The following SEMA3A variants were observed in gnomAD, a reference collection of about 807,000 sequenced individuals.
SEMA3A encodes the protein semaphorin 3A.
A neutral mutation model predicts 97.9 loss-of-function variants in SEMA3A; 29 were observed. That is an observed-to-expected ratio of 0.30 (90% confidence interval 0.22 to 0.40). SEMA3A has a LOEUF of 0.40. SEMA3A is among the 10% of genes least tolerant of loss of function. The pLI is 1.00. For missense variants in SEMA3A, 763 were observed against 951.3 expected, an observed-to-expected ratio of 0.80 and a Z score of 2.60; for synonymous variants, 321 against 323.7, an observed-to-expected ratio of 0.99 and a Z score of 0.09.
intron 1 of SEMA3A, among the ~76,000 whole-genome samples, chr7:84,444,564 CTT>C (rs201008229): frequency 3.6e-5 from 5 of 138,748 alleles, no homozygotes; most frequent in Non-Finnish European, 4.7e-5. Flanking sequence ...TTCTTTTTTT[CTT>C]TTTTTTTTTT....
chr7:84,060,699 G>T, intron 4 of SEMA3A, 141 bp from the exon 5 acceptor site: 1 of 518,456 alleles, frequency 1.9e-6, no homozygotes, highest in South Asian at 4.2e-5. Context: ...TTTTTGAGAT[G>T]GCAAAATAAA....
chr7:84,331,361 CTT>C lies in SEMA3A; in HGVS notation c.-168-24071_-168-24070del, dbSNP rs1332068320. 2.0e-5 allele frequency among the ~76,000 whole-genome samples: 3 copies of C among 152,240 alleles called. No individual in the cohort carries two copies. In the East Asian group the frequency reaches 5.8e-4, roughly 29 times the overall value. ...TTAAACAAAGTCTGTTGAGTTTCTGCTTTTAATCCCAACCCATAATTTTATAA... is the reference window on the plus strand; with the variant it reads ...TTAAACAAAGTCTGTTGAGTTTCTGCTTAATCCCAACCCATAATTTTATAA... On this transcript the variant is annotated intron_variant, in intron 2 of 3. Coordinates refer to the SEMA3A transcript ENST00000424555.
chr7:84,305,654 T>C (rs1008377788), intron 3 of SEMA3A, among the ~76,000 whole-genome samples: 1 of 152,046 alleles, frequency 6.6e-6, no homozygotes, highest in South Asian at 2.1e-4. Flanking sequence ...CAGCTCTATG[T>C]ATCACTTTGG....
At chr7:84,323,005 A>G (rs1254514593) in intron 2 of SEMA3A, among the ~76,000 whole-genome samples, 2 of 152,188 alleles carry the variant, frequency 1.3e-5, no homozygotes, top group Non-Finnish European at 2.9e-5. Flanking sequence ...GCAAACAACC[A>G]CAACTGTGGC....
At chr7:84,254,647 T>A (rs73709793) in intron 3 of SEMA3A, among the ~76,000 whole-genome samples, 2,616 of 152,258 alleles carry the variant, frequency 0.017, 77 homozygotes, top group African/African-American at 0.06. Flanking sequence ...TACTACAGTA[T>A]AATGATTATA....
chr7:84,392,462 T>A (rs776732060), intron 1 of SEMA3A, among the ~76,000 whole-genome samples: 5 of 152,180 alleles, frequency 3.3e-5, no homozygotes, highest in Non-Finnish European at 7.3e-5. Context: ...CTTTATCTCT[T>A]CACCTAGTGA....
chr7:84,398,499 T>C (rs1803801870), intron 1 of SEMA3A, among the ~76,000 whole-genome samples: 1 of 152,044 alleles, frequency 6.6e-6, no homozygotes, highest in Non-Finnish European at 1.5e-5. Context: ...ACTTAAGGTC[T>C]AGTAATCCTA....
chr7:84,214,972 G>A (rs1011113466), intron 3 of SEMA3A, among the ~76,000 whole-genome samples: 8 of 151,196 alleles, frequency 5.3e-5, no homozygotes, highest in African/African-American at 1.9e-4. Context: ...AAAGTGCTGG[G>A]ATTATAGGCG....
intron 3 of SEMA3A, among the ~76,000 whole-genome samples, chr7:84,241,094 G>C (rs909514679): frequency 1.3e-5 from 2 of 152,184 alleles, no homozygotes; most frequent in African/African-American, 4.8e-5. Flanking sequence ...ATAGTAGAAT[G>C]ATTTATAATC....
chr7:84,210,088 T>G (rs1472532656), intron 3 of SEMA3A, among the ~76,000 whole-genome samples: 1 of 152,226 alleles, frequency 6.6e-6, no homozygotes, highest in Non-Finnish European at 1.5e-5. Flanking sequence ...TGATAATAAT[T>G]TTATCCAACT....
chr7:84,453,114 GA>G (rs141429423), intron 1 of SEMA3A, among the ~76,000 whole-genome samples: 2 of 151,148 alleles, frequency 1.3e-5, no homozygotes, highest in Non-Finnish European at 1.5e-5. Context: ...GAATCTGGAG[GA>G]AAAAAAATAG....
chr7:84,423,637 T>C (rs1804662703), intron 1 of SEMA3A, among the ~76,000 whole-genome samples: 1 of 152,092 alleles, frequency 6.6e-6, no homozygotes, highest in South Asian at 2.1e-4. Flanking sequence ...ATATGTTCAT[T>C]TGTTCATTTT....
At chr7:84,133,526 C>T (rs1424903490) in intron 2 of SEMA3A, among the ~76,000 whole-genome samples, 4 of 152,044 alleles carry the variant, frequency 2.6e-5, no homozygotes, top group African/African-American at 9.7e-5. Flanking sequence ...TCAAAGCCCT[C>T]AATGTTAAGA....
At chr7:83,989,116 G>T (rs1347964071) in intron 12 of SEMA3A, among the ~76,000 whole-genome samples, 2 of 151,926 alleles carry the variant, frequency 1.3e-5, no homozygotes, top group Non-Finnish European at 2.9e-5. Flanking sequence ...GGTTATTAAG[G>T]AGCTTATTTC....
chr7:84,025,300 G>T (rs997479568), intron 6 of SEMA3A, among the ~76,000 whole-genome samples: 21 of 152,118 alleles, frequency 1.4e-4, no homozygotes, highest in African/African-American at 4.8e-4. Context: ...GAAACTAGCT[G>T]GGAAATTGGT....
At chr7:84,406,319 G>C (rs1408870751) in intron 1 of SEMA3A, among the ~76,000 whole-genome samples, 2 of 152,246 alleles carry the variant, frequency 1.3e-5, no homozygotes, top group Non-Finnish European at 2.9e-5. Context: ...TAAATTCCTT[G>C]ACACATACAC....
rs1017206068 is a variant in SEMA3A, at chr7:84,150,991, A to G, written c.113-16040T>C. Among the ~76,000 whole-genome samples the G allele has an allele frequency of 1.6e-3, 236 of 148,774 alleles. 3 individuals carry two copies. The highest frequency in any genetic ancestry group is 3.2e-3 in the Non-Finnish European group (215 of 66,694). The stretch of plus-strand genomic sequence containing the variant: ...CCCAGCAGGGGCACACTGACACCTC[A>G]CACTGCAGGGTACTCCAACAGACCT... On this transcript the variant is annotated intron_variant, in intron 1 of 16. Transcript: ENST00000265362.
intron 1 of SEMA3A, among the ~76,000 whole-genome samples, chr7:84,452,740 G>C (rs889381932): frequency 6.6e-5 from 10 of 152,130 alleles, no homozygotes; most frequent in African/African-American, 2.4e-4. Context: ...GACTGCACAC[G>C]GCAACAACAA....
chr7:83,997,680 T>G (rs948469102), intron 12 of SEMA3A, among the ~76,000 whole-genome samples: 1 of 152,300 alleles, frequency 6.6e-6, no homozygotes, highest in African/African-American at 2.4e-5. Flanking sequence ...TAAACAAGCA[T>G]TTCCATGCCA....
Sources: gnomAD v4.1 joint callset for allele counts (sites outside exome capture counted in the v4.1 genomes callset) on GRCh38, gnomAD v4.1.1 for gene constraint, MANE v1.5 for transcripts, NCBI Gene and HGNC (gene_info 2026-07-23, HGNC 2026-07-21) for gene names.